Variants in IRAK3 observed in about 807,000 individuals in gnomAD.
IRAK3 encodes interleukin 1 receptor associated kinase 3.
IRAK3 carries 57 observed loss-of-function variants against 56.6 expected under a neutral mutation model. That is an observed-to-expected ratio of 1.01 (90% confidence interval 0.81 to 1.26). IRAK3 has a LOEUF of 1.26. Ranked by LOEUF, IRAK3 falls within the 50% of genes most tolerant of loss-of-function variation. The pLI is 0.00. For missense variants in IRAK3, 703 were observed against 719.0 expected, an observed-to-expected ratio of 0.98 and a Z score of 0.25; for synonymous variants, 258 against 255.7, an observed-to-expected ratio of 1.01 and a Z score of -0.09.
At chr12:66,225,800 A>G (rs965836542) in intron 6 of IRAK3, among the ~76,000 whole-genome samples, 2 of 152,036 alleles carry the variant, frequency 1.3e-5, no homozygotes, top group Admixed American at 1.3e-4. Flanking sequence ...TCTGTGATTT[A>G]AAATCAATGG....
chr12:66,213,663 C>G (rs964222118), intron 5 of IRAK3, among the ~76,000 whole-genome samples: 1 of 151,844 alleles, frequency 6.6e-6, no homozygotes, highest in East Asian at 1.9e-4. Context: ...ACAAATGTAC[C>G]TCACTGGTGT....
At chr12:66,222,817 G>C (rs2052747741) in intron 6 of IRAK3, among the ~76,000 whole-genome samples, 1 of 152,038 alleles carries the variant, frequency 6.6e-6, no homozygotes, top group African/African-American at 2.4e-5. Context: ...TTGACATGTA[G>C]AAATGGTTTT....
chr12:66,234,266 T>C, intron 8 of IRAK3: 1 of 1,613,304 alleles, frequency 6.2e-7, no homozygotes, highest in Non-Finnish European at 8.5e-7. Context: ...ATGACTCATC[T>C]GCTGGGCCAG....
intron 8 of IRAK3, among the ~76,000 whole-genome samples, chr12:66,241,575 A>G: frequency 6.6e-6 from 1 of 152,192 alleles, no homozygotes. Context: ...GCCTTTTGCA[A>G]TTTCCGCTTT....
chr12:66,215,786 GCACACACACACACACACA>G lies in IRAK3; in HGVS notation c.589-1359_589-1342del, dbSNP rs71096080. On this transcript the variant is annotated intron_variant, in intron 5 of 11. Transcript: ENST00000261233. Reference sequence around the variant, plus strand: ...TCCGCCCCCTATTTTAACCCAACATGCACACACACACACACACACACACACACACACACACACACACAC... The same window carrying G: ...TCCGCCCCCTATTTTAACCCAACATGCACACACACACACACACACACACAC... Among the ~76,000 whole-genome samples the G allele has an allele frequency of 2.5e-3, 302 of 122,908 alleles. 4 individuals carry two copies. Among genetic ancestry groups the G allele is most frequent in the African/African-American group, 8.9e-3 (287 of 32,372 alleles). The allele number at this position is 122,908 out of a possible 152,430, so 80.6% of individuals were successfully genotyped here. A position where few individuals can be genotyped will look rare whatever the true frequency, so the allele number is the denominator to read the frequency against.
intron 1 of IRAK3, among the ~76,000 whole-genome samples, chr12:66,191,401 T>C (rs1282326055): frequency 6.6e-6 from 1 of 152,242 alleles, no homozygotes. Flanking sequence ...TTAGATACTG[T>C]AGACGGTAGG....
rs776897837 is a variant in IRAK3, at chr12:66,217,173, G to GA, written c.598dup (p.Met200AsnfsTer4). 8.7e-6 allele frequency: 14 copies of GA among 1,605,104 alleles called. No individual in the cohort carries two copies. The highest frequency in any genetic ancestry group is 2.2e-5 in the South Asian group (2 of 90,924). On this transcript the variant is annotated frameshift_variant, in exon 6 of 12. Coordinates refer to ENST00000261233, the MANE Select transcript of IRAK3 (RefSeq NM_007199.3). LOFTEE classifies it high-confidence loss of function. ...TTCTTGTCTTTCTGTATATGTAGGA[G>GA]AAAAAAATGCAGTGTAAGAAGCATT...
chr12:66,239,754 A>G (rs2052945816), intron 8 of IRAK3, among the ~76,000 whole-genome samples: 1 of 152,190 alleles, frequency 6.6e-6, no homozygotes, highest in African/African-American at 2.4e-5. Flanking sequence ...AGGGATGCCA[A>G]AACAATTAAA....
chr12:66,190,578 G>A (rs1242164615), intron 1 of IRAK3, among the ~76,000 whole-genome samples: 1 of 152,174 alleles, frequency 6.6e-6, no homozygotes, highest in Non-Finnish European at 1.5e-5. Context: ...TTTAATGTTG[G>A]TGAATGGGGC....
chr12:66,215,786 G>GCACGTGCACGTGCGCGCGCGCACACACA (rs368883846), intron 5 of IRAK3, among the ~76,000 whole-genome samples: 1 of 122,834 alleles, frequency 8.1e-6, no homozygotes, highest in Non-Finnish European at 1.7e-5. Context: ...AACCCAACAT[G>GCACGTGCACGTGCGCGCGCGCACACACA]CACACACACA....
At chr12:66,199,031 T>G (rs1404286150) in intron 1 of IRAK3, among the ~76,000 whole-genome samples, 2 of 152,238 alleles carry the variant, frequency 1.3e-5, no homozygotes, top group African/African-American at 2.4e-5. Context: ...GTGCTGGGAT[T>G]ACAGGCGTGA....
intron 1 of IRAK3, chr12:66,198,185 C>T: frequency 2.5e-6 from 2 of 808,914 alleles, no homozygotes; most frequent in Non-Finnish European, 3.0e-6. Context: ...GAATTGGTCC[C>T]ATTGCTTTCA....
chr12:66,191,191 G>C lies in IRAK3; in HGVS notation c.133+1759G>C, dbSNP rs555073312. On this transcript the variant is annotated intron_variant, in intron 1 of 11. Coordinates refer to ENST00000261233, the MANE Select transcript of IRAK3 (RefSeq NM_007199.3). ...AAGCTGTAGTTGAGCTACCTAAAAG[G>C]GGGTATTTTGTGTGTTTGTTTAGGG... Among the ~76,000 whole-genome samples, 511 of 152,280 alleles carry C rather than the reference G, an allele frequency of 3.4e-3. 4 individuals are homozygous for C. Among genetic ancestry groups the C allele is most frequent in the African/African-American group, 0.012 (494 of 41,562 alleles).
In IRAK3 at chr12:66,254,062, A is replaced by T. The variant is rs1382372332; in HGVS notation, c.*5891A>T. The stretch of plus-strand genomic sequence containing the variant: ...TGGCAAAGATAAAGCAATTGACAAA[A>T]ATGGAATTCTTGTTCAATACTGGCA... On this transcript the variant is annotated 3_prime_UTR_variant, in exon 12 of 12. Transcript: ENST00000261233. The T allele has an allele frequency of 1.3e-5, 2 of 152,200 alleles. No individual in the cohort carries two copies. Among genetic ancestry groups the T allele is most frequent in the African/African-American group, 4.8e-5 (2 of 41,454 alleles). 9.4% of individuals were successfully genotyped at this position (152,200 alleles called of 1,614,324 possible).
rs1193593197 is a variant in IRAK3, at chr12:66,223,531, C to T, written c.654-3192C>T. 2.7e-5 allele frequency among the ~76,000 whole-genome samples: 4 copies of T among 150,686 alleles called. No individual in the cohort carries two copies. The South Asian group carries it at 6.3e-4, about 24-fold the overall frequency. ...AACATTAGCCAAGCATGGTGACGGG[C>T]GCCTGTAGTCCCAGCTACTCGGGAG... On this transcript the variant is annotated intron_variant, in intron 6 of 11. Coordinates refer to ENST00000261233, the MANE Select transcript of IRAK3 (RefSeq NM_007199.3).
intron 8 of IRAK3, chr12:66,234,070 C>T: frequency 6.2e-7 from 1 of 1,613,884 alleles, no homozygotes; most frequent in Non-Finnish European, 8.5e-7. Context: ...GTACATCTCA[C>T]AGTTACTTAT....
intron 6 of IRAK3, among the ~76,000 whole-genome samples, chr12:66,223,736 C>T (rs139772466): frequency 1.1e-4 from 17 of 148,286 alleles, no homozygotes; most frequent in African/African-American, 2.7e-4. Context: ...TTTTTTGAGA[C>T]GGAGTCTTGC....
At chr12:66,215,790 A>AGGTGCGCGCGCGCGCGCG (rs2052668454) in intron 5 of IRAK3, among the ~76,000 whole-genome samples, 32 of 103,150 alleles carry the variant, frequency 3.1e-4, no homozygotes, top group African/African-American at 9.5e-4. Context: ...CAACATGCAC[A>AGGTGCGCGCGCGCGCGCG]CACACACACA....
chr12:66,217,816 AT>A (rs922335803), intron 6 of IRAK3, among the ~76,000 whole-genome samples: 60 of 151,650 alleles, frequency 4.0e-4, no homozygotes, highest in African/African-American at 1.2e-3. Context: ...ACTTTTTCAG[AT>A]TTTTTTTTAA....
Sources: gnomAD v4.1 joint callset for allele counts (sites outside exome capture counted in the v4.1 genomes callset) on GRCh38, gnomAD v4.1.1 for gene constraint, MANE v1.5 for transcripts, NCBI Gene and HGNC (gene_info 2026-07-23, HGNC 2026-07-21) for gene names.